Variants in AGBL4 observed in about 807,000 individuals in gnomAD.
AGBL4 encodes the protein AGBL carboxypeptidase 4.
AGBL4 carries 58 observed loss-of-function variants against 66.4 expected under a neutral mutation model. That is an observed-to-expected ratio of 0.87 (90% CI 0.71 to 1.09). AGBL4 has a LOEUF of 1.09. Among genes scored for constraint, AGBL4 ranks in the 50% least tolerant of loss-of-function variants. AGBL4 has a pLI of 0.00. For synonymous variants in AGBL4, 234 were observed against 222.9 expected (o/e 1.05, Z -0.44); for missense variants, 579 against 631.0 (o/e 0.92, Z 0.88).
chr1:48,626,304 C>A (rs1645501696), intron 9 of AGBL4, among the ~76,000 whole-genome samples: 5 of 152,222 alleles, frequency 3.3e-5, no homozygotes, highest in Admixed American at 2.6e-4. Context: ...AAAACACTTT[C>A]CACTCACATA....
chr1:49,948,014 A>G lies in AGBL4; in HGVS notation c.34+75749T>C, dbSNP rs1247504110. Among the ~76,000 whole-genome samples the G allele has an allele frequency of 8.8e-5, 7 of 79,816 alleles. 1 individual carries two copies. The highest frequency in any genetic ancestry group is 7.5e-4 in the Admixed American group (4 of 5,318). The allele number at this position is 79,816 out of a possible 152,430, so 52.4% of individuals were successfully genotyped here. A position where few individuals can be genotyped will look rare whatever the true frequency, so the allele number is the denominator to read the frequency against. ...TATATATATAAATATATATAAATAT[A>G]TAAATATATATAAATATATATACAT... On this transcript the variant is annotated intron_variant, in intron 1 of 13. Transcript: ENST00000371839.
chr1:48,865,298 A>G (rs1263366747), intron 6 of AGBL4, among the ~76,000 whole-genome samples: 3 of 152,194 alleles, frequency 2.0e-5, no homozygotes, highest in Admixed American at 6.5e-5. Context: ...TTTCTAAGTC[A>G]TGGCACACAT....
chr1:49,165,650 G>A (rs1646621156), intron 4 of AGBL4, among the ~76,000 whole-genome samples: 1 of 151,814 alleles, frequency 6.6e-6, no homozygotes, highest in East Asian at 1.9e-4. Flanking sequence ...AAGAAGGAGG[G>A]AGGGAATGAG....
intron 3 of AGBL4, among the ~76,000 whole-genome samples, chr1:49,502,954 G>A (rs559495104): frequency 1.3e-5 from 2 of 152,236 alleles, no homozygotes; most frequent in South Asian, 4.1e-4. Context: ...ATTTGCATGA[G>A]TAATGATGAG....
intron 6 of AGBL4, among the ~76,000 whole-genome samples, chr1:48,711,185 C>T (rs1382495275): frequency 6.6e-6 from 1 of 152,140 alleles, no homozygotes; most frequent in Non-Finnish European, 1.5e-5. Context: ...TGGAGGATGA[C>T]AAAGGCTGGG....
chr1:49,055,615 A>C (rs1224572134), intron 4 of AGBL4, among the ~76,000 whole-genome samples: 2 of 152,136 alleles, frequency 1.3e-5, no homozygotes, highest in Non-Finnish European at 2.9e-5. Context: ...ATTAGAAAAA[A>C]TATTCTTCAT....
At chr1:48,870,693 C>T (rs1051546264) in intron 5 of AGBL4, among the ~76,000 whole-genome samples, 1 of 152,166 alleles carries the variant, frequency 6.6e-6, no homozygotes, top group Admixed American at 6.5e-5. Flanking sequence ...TATCTCTCCC[C>T]ACTCCTACAG....
intron 3 of AGBL4, chr1:49,527,345 G>A (rs983217820): frequency 1.3e-4 from 20 of 152,152 alleles, no homozygotes; most frequent in African/African-American, 4.3e-4. Flanking sequence ...TACATGAAAA[G>A]CCCTATCCGT....
chr1:49,801,683 G>A (rs1169845962), intron 2 of AGBL4, among the ~76,000 whole-genome samples: 1 of 152,236 alleles, frequency 6.6e-6, no homozygotes, highest in African/African-American at 2.4e-5. Context: ...TCTCACTTGT[G>A]TTCCTAATGA....
chr1:48,849,207 T>A (rs1000510841), intron 6 of AGBL4, among the ~76,000 whole-genome samples: 1 of 152,172 alleles, frequency 6.6e-6, no homozygotes, highest in Non-Finnish European at 1.5e-5. Flanking sequence ...CCTTATTAAG[T>A]TTATTTCTAA....
chr1:49,328,624 C>A (rs542730321), intron 3 of AGBL4, among the ~76,000 whole-genome samples: 1 of 152,300 alleles, frequency 6.6e-6, no homozygotes, highest in African/African-American at 2.4e-5. Flanking sequence ...TATCCATTAA[C>A]AATTTCTACC....
At chr1:49,067,488 A>C (rs1408813784) in intron 4 of AGBL4, among the ~76,000 whole-genome samples, 1 of 152,090 alleles carries the variant, frequency 6.6e-6, no homozygotes, top group East Asian at 1.9e-4. Flanking sequence ...TAATACACCA[A>C]GTTTATTCCT....
At chr1:48,776,089 G>C (rs1645065161) in intron 6 of AGBL4, among the ~76,000 whole-genome samples, 1 of 152,128 alleles carries the variant, frequency 6.6e-6, no homozygotes, top group Non-Finnish European at 1.5e-5. Flanking sequence ...GCTTCCCTCT[G>C]TGAGGAGGGA....
intron 6 of AGBL4, among the ~76,000 whole-genome samples, chr1:48,816,045 TTGTGTG>T (rs59041939): frequency 0.17 from 24,474 of 144,210 alleles, 2,261 homozygotes; most frequent in East Asian, 0.26. Flanking sequence ...AGGAACTGTT[TTGTGTG>T]TGTGTGTGTG....
At chr1:49,914,326 G>A (rs1651168520) in intron 1 of AGBL4, among the ~76,000 whole-genome samples, 2 of 152,140 alleles carry the variant, frequency 1.3e-5, no homozygotes, top group Non-Finnish European at 2.9e-5. Flanking sequence ...CCTAAGTTCT[G>A]CATTCCACAA....
intron 4 of AGBL4, among the ~76,000 whole-genome samples, chr1:49,083,359 G>A (rs1644841118): frequency 6.6e-6 from 1 of 152,208 alleles, no homozygotes; most frequent in Non-Finnish European, 1.5e-5. Flanking sequence ...GGACATCCAG[G>A]CATTTCCATA....
intron 3 of AGBL4, among the ~76,000 whole-genome samples, chr1:49,529,552 G>GC (rs780290752): frequency 6.7e-4 from 102 of 152,044 alleles, no homozygotes; most frequent in Non-Finnish European, 9.9e-4. Flanking sequence ...GGTGGCACAT[G>GC]CCTGTAATCC....
At chr1:49,446,147 A>G (rs547010732) in intron 3 of AGBL4, among the ~76,000 whole-genome samples, 96 of 152,288 alleles carry the variant, frequency 6.3e-4, no homozygotes, top group African/African-American at 2.3e-3. Flanking sequence ...CACCATGCCC[A>G]GCCCATATTT....
chr1:49,918,913 G>GCT (rs1251154449), intron 1 of AGBL4, among the ~76,000 whole-genome samples: 2 of 152,182 alleles, frequency 1.3e-5, no homozygotes, highest in Non-Finnish European at 2.9e-5. Flanking sequence ...TCCCTGGGAT[G>GCT]CAAGGCTGGT....
Sources: gnomAD v4.1 joint callset for allele counts (sites outside exome capture counted in the v4.1 genomes callset) on GRCh38, gnomAD v4.1.1 for gene constraint, MANE v1.5 for transcripts, NCBI Gene and HGNC (gene_info 2026-07-23, HGNC 2026-07-21) for gene names.